Variants in GPC5 observed in about 807,000 individuals in gnomAD.
The protein encoded by GPC5 is glypican 5, also known as glypican-5.
In GPC5, 47 loss-of-function variants were observed where a neutral mutation model predicts 53.9. That is an observed-to-expected ratio of 0.87 (90% confidence interval 0.69 to 1.11). The LOEUF is 1.11. GPC5 is among the 50% of genes most tolerant of loss of function. The probability of loss-of-function intolerance (pLI) is 0.00; values close to 1 mark genes in which losing one functional copy is unlikely to be tolerated. For missense variants in GPC5, 748 were observed against 713.1 expected (o/e 1.05, Z -0.56); for synonymous variants, 286 against 263.3 (o/e 1.09, Z -0.84).
intron 4 of GPC5, among the ~76,000 whole-genome samples, chr13:91,743,126 G>A (rs543702165): frequency 6.6e-6 from 1 of 151,876 alleles, no homozygotes; most frequent in African/African-American, 2.4e-5. Context: ...ATATCTAAGA[G>A]TATGTTTTCT....
intron 5 of GPC5, among the ~76,000 whole-genome samples, chr13:91,797,463 T>G (rs2038064885): frequency 6.6e-6 from 1 of 152,214 alleles, no homozygotes; most frequent in East Asian, 1.9e-4. Context: ...AAATTCCGAA[T>G]TTTTGTTTTC....
intron 6 of GPC5, among the ~76,000 whole-genome samples, chr13:91,921,786 AAAAAG>A (rs1386516954): frequency 1.1e-3 from 95 of 88,292 alleles, no homozygotes; most frequent in African/African-American, 1.1e-3. Context: ...TTTAAAAAAA[AAAAAG>A]AAAGAAAGAA....
intron 5 of GPC5, among the ~76,000 whole-genome samples, chr13:91,873,386 A>G (rs1044638437): frequency 6.6e-6 from 1 of 152,032 alleles, no homozygotes; most frequent in South Asian, 2.1e-4. Context: ...CCCCGCCCAA[A>G]TCTCATCTTG....
At chr13:91,848,132 T>C (rs1316372923) in intron 5 of GPC5, among the ~76,000 whole-genome samples, 1 of 152,232 alleles carries the variant, frequency 6.6e-6, no homozygotes, top group Non-Finnish European at 1.5e-5. Context: ...TAATTATTAA[T>C]TGGAACTAAT....
intron 7 of GPC5, among the ~76,000 whole-genome samples, chr13:92,769,070 A>T (rs1875516599): frequency 6.6e-6 from 1 of 152,188 alleles, no homozygotes; most frequent in African/African-American, 2.4e-5. Context: ...AATCAAATGG[A>T]TTGTAATTAA....
At chr13:91,704,934 A>G (rs2036067208) in intron 3 of GPC5, among the ~76,000 whole-genome samples, 2 of 152,172 alleles carry the variant, frequency 1.3e-5, no homozygotes, top group African/African-American at 4.8e-5. Context: ...TTTCTCTTTA[A>G]TAAAACTTTG....
intron 7 of GPC5, among the ~76,000 whole-genome samples, chr13:92,272,436 A>G (rs2042846335): frequency 6.6e-6 from 1 of 152,192 alleles, no homozygotes; most frequent in African/African-American, 2.4e-5. Context: ...GATTTATGAA[A>G]TAGAATTGAT....
chr13:92,310,115 G>T (rs1184865611), intron 7 of GPC5, among the ~76,000 whole-genome samples: 1 of 151,884 alleles, frequency 6.6e-6, no homozygotes, highest in Non-Finnish European at 1.5e-5. Flanking sequence ...ATATTCCATT[G>T]TATGTGTATG....
chr13:92,747,085 T>C (rs890520569), intron 7 of GPC5, among the ~76,000 whole-genome samples: 5 of 152,156 alleles, frequency 3.3e-5, no homozygotes, highest in Non-Finnish European at 5.9e-5. Context: ...TACAATCTTA[T>C]GGGACCACTA....
chr13:92,308,028 C>A (rs1320077806), intron 7 of GPC5, among the ~76,000 whole-genome samples: 2 of 152,164 alleles, frequency 1.3e-5, no homozygotes, highest in East Asian at 1.9e-4. Context: ...TTGAATTAAA[C>A]ATGCTCATAT....
intron 7 of GPC5, among the ~76,000 whole-genome samples, chr13:92,257,546 A>ATTTTTTTTTTTTTTCTTTTTTT (rs2042735465): frequency 1.4e-5 from 1 of 72,966 alleles, no homozygotes. Flanking sequence ...TAATACAGGG[A>ATTTTTTTTTTTTTTCTTTTTTT]TTTTTTTTTT....
At chr13:92,123,382 C>T (rs775355249) in intron 6 of GPC5, among the ~76,000 whole-genome samples, 52 of 152,134 alleles carry the variant, frequency 3.4e-4, no homozygotes, top group South Asian at 1.0e-3. Context: ...GGAGTACTTC[C>T]TATATCAACT....
intron 7 of GPC5, among the ~76,000 whole-genome samples, chr13:92,161,040 T>G (rs1271485249): frequency 4.0e-4 from 1 of 2,502 alleles, no homozygotes; most frequent in East Asian, 1.1e-3. Flanking sequence ...CTCAAAAGTG[T>G]TTTTTTTTTT....
intron 2 of GPC5, among the ~76,000 whole-genome samples, chr13:91,661,428 C>G (rs1387807057): frequency 6.6e-6 from 1 of 152,348 alleles, no homozygotes; most frequent in Admixed American, 6.5e-5. Flanking sequence ...TCAGGTGCAG[C>G]CCCTCCAGCC....
At chr13:92,279,618 T>G (rs1215423840) in intron 7 of GPC5, among the ~76,000 whole-genome samples, 1 of 151,942 alleles carries the variant, frequency 6.6e-6, no homozygotes, top group Non-Finnish European at 1.5e-5. Context: ...TTTTTTATTA[T>G]TATTATTATG....
At position 92,453,957 on chromosome 13, in the gene GPC5, T is replaced by A. The variant is rs148496327; in HGVS notation, c.1561+308968T>A. Among the ~76,000 whole-genome samples, 206 of 152,320 alleles carry A rather than the reference T, an allele frequency of 1.4e-3. 1 individual carries two copies. Among genetic ancestry groups the A allele is most frequent in the African/African-American group, 4.8e-3 (200 of 41,570 alleles). On this transcript the variant is annotated intron_variant, in intron 7 of 7. Transcript: ENST00000377067. Reference sequence around the variant, plus strand: ...TGTCGTATAAATAGCACGCAAAATGTCTGATTTTATCCATCTGGTACCACA... The same window carrying A: ...TGTCGTATAAATAGCACGCAAAATGACTGATTTTATCCATCTGGTACCACA...
intron 5 of GPC5, among the ~76,000 whole-genome samples, chr13:91,773,545 T>C (rs1048811737): frequency 2.0e-5 from 3 of 152,208 alleles, no homozygotes; most frequent in Non-Finnish European, 4.4e-5. Flanking sequence ...TCATCTCTAA[T>C]GAAGGTTGAA....
intron 6 of GPC5, among the ~76,000 whole-genome samples, chr13:92,117,618 A>T (rs1301964626): frequency 6.6e-6 from 1 of 152,166 alleles, no homozygotes; most frequent in African/African-American, 2.4e-5. Context: ...CTTCATGAAT[A>T]CCATGTATCT....
chr13:91,869,843 G>A (rs931440162), intron 5 of GPC5, among the ~76,000 whole-genome samples: 1 of 152,108 alleles, frequency 6.6e-6, no homozygotes, highest in Admixed American at 6.5e-5. Flanking sequence ...CAGAGGGAGA[G>A]AGAGCAAAGG....
Sources: gnomAD v4.1 joint callset for allele counts (sites outside exome capture counted in the v4.1 genomes callset) on GRCh38, gnomAD v4.1.1 for gene constraint, MANE v1.5 for transcripts, NCBI Gene and HGNC (gene_info 2026-07-23, HGNC 2026-07-21) for gene names.